The following PTPRG variants were observed in gnomAD, a reference collection of about 807,000 sequenced individuals.
PTPRG encodes protein tyrosine phosphatase receptor type G.
A neutral mutation model predicts 165.3 loss-of-function variants in PTPRG; 102 were observed. The ratio of observed to expected loss-of-function variants is 0.62; its 90% CI spans 0.53 to 0.73. The LOEUF (loss-of-function observed/expected upper bound fraction) is 0.73. PTPRG is among the 30% of genes least tolerant of loss of function. The probability of loss-of-function intolerance (pLI) is 0.00; values close to 1 mark genes in which losing one functional copy is unlikely to be tolerated. For missense variants in PTPRG, 1,866 were observed against 1,861.4 expected (o/e 1.00, Z -0.05); for synonymous variants, 675 against 669.5 (o/e 1.01, Z -0.13).
intron 8 of PTPRG, among the ~76,000 whole-genome samples, chr3:62,173,191 T>C (rs1199462787): frequency 1.3e-5 from 2 of 152,240 alleles, no homozygotes; most frequent in Admixed American, 1.3e-4. Context: ...TAAATAGTTG[T>C]TATACTCTAC....
At chr3:62,198,339 C>A (rs1030895848) in intron 10 of PTPRG, among the ~76,000 whole-genome samples, 1 of 152,154 alleles carries the variant, frequency 6.6e-6, no homozygotes, top group African/African-American at 2.4e-5. Context: ...TGCTACTAAG[C>A]TGAGTTGGGT....
At chr3:61,791,253 C>T (rs1012496300) in intron 2 of PTPRG, among the ~76,000 whole-genome samples, 2 of 152,150 alleles carry the variant, frequency 1.3e-5, no homozygotes, top group Non-Finnish European at 2.9e-5. Context: ...CAGCATTTAT[C>T]TCAGGTATTT....
intron 1 of PTPRG, among the ~76,000 whole-genome samples, chr3:61,745,624 G>A (rs1034014107): frequency 2.6e-5 from 4 of 152,164 alleles, no homozygotes; most frequent in African/African-American, 7.2e-5. Flanking sequence ...ACCTCTTGTC[G>A]TATGTAGCAG....
At chr3:62,127,768 A>G (rs1478823410) in intron 5 of PTPRG, among the ~76,000 whole-genome samples, 1 of 152,218 alleles carries the variant, frequency 6.6e-6, no homozygotes, top group Non-Finnish European at 1.5e-5. Context: ...CAGTAGAAGT[A>G]AATGGCAGCA....
intron 1 of PTPRG, among the ~76,000 whole-genome samples, chr3:61,563,816 C>CT (rs11426122): frequency 0.69 from 104,478 of 151,568 alleles, 36,615 homozygotes; most frequent in East Asian, 0.87. Flanking sequence ...TTGGGGATCC[C>CT]CTCGGGGGAC....
rs146678679 is a variant in PTPRG, at chr3:61,590,613, G to T, written c.85+28241G>T. Among the ~76,000 whole-genome samples the T allele has an allele frequency of 2.8e-4, 42 of 152,192 alleles. No homozygotes were observed. In the East Asian group the frequency reaches 6.4e-3, roughly 23 times the overall value. On this transcript the variant is annotated intron_variant, in intron 1 of 29. Coordinates refer to ENST00000474889, the MANE Select transcript of PTPRG (RefSeq NM_002841.4). ...CTGTTGACTACTTCCCTCTTGTCCT[G>T]CTGCCCTAGAGTATGAAGAGATTTG... is the stretch of plus-strand genomic sequence containing the variant.
Position 62,281,551 on chromosome 3 carries a change from T to TTTTTTTTTTTTTTTTTTTTTTTAAAAAA in PTPRG, c.3766-12_3766-11insTTTTTTTTTTTTTTTTTTTTTTAAAAAA. On this transcript the variant is annotated splice_polypyrimidine_tract_variant and intron_variant, in intron 26 of 29. Coordinates refer to ENST00000474889, the MANE Select transcript of PTPRG (RefSeq NM_002841.4). ...GAACTGCAGAGGCTTTTTTTTTTTT[T>TTTTTTTTTTTTTTTTTTTTTTTAAAAAA]GGATTCCAAAGGCAGAAGATGAGTT... 1 of 1,466,126 alleles carries TTTTTTTTTTTTTTTTTTTTTTTAAAAAA rather than the reference T, an allele frequency of 6.8e-7. No individual in the cohort carries two copies. The highest frequency in any genetic ancestry group is 9.1e-7 in the Non-Finnish European group (1 of 1,094,842). 90.8% of individuals were successfully genotyped at this position (1,466,126 alleles called of 1,614,324 possible).
intron 2 of PTPRG, among the ~76,000 whole-genome samples, chr3:61,985,735 G>A (rs2040743096): frequency 6.6e-6 from 1 of 152,104 alleles, no homozygotes; most frequent in African/African-American, 2.4e-5. Context: ...GACCTTCTTT[G>A]ATTACAGAGG....
At chr3:61,784,390 A>G (rs1247408789) in intron 2 of PTPRG, among the ~76,000 whole-genome samples, 1 of 152,180 alleles carries the variant, frequency 6.6e-6, no homozygotes, top group African/African-American at 2.4e-5. Context: ...ACACCATAAT[A>G]TGTAAATATT....
chr3:61,949,072 G>T (rs2039834223), intron 2 of PTPRG, among the ~76,000 whole-genome samples: 1 of 149,116 alleles, frequency 6.7e-6, no homozygotes, highest in African/African-American at 2.5e-5. Context: ...TGGGACCTTA[G>T]CATGTGATGG....
intron 1 of PTPRG, among the ~76,000 whole-genome samples, chr3:61,614,253 A>G (rs555668529): frequency 1.3e-5 from 2 of 152,204 alleles, no homozygotes; most frequent in South Asian, 4.2e-4. Flanking sequence ...GGTTGCCACA[A>G]TGGCAGAGTA....
At chr3:62,049,019 A>C (rs572698819) in intron 4 of PTPRG, among the ~76,000 whole-genome samples, 140 of 152,342 alleles carry the variant, frequency 9.2e-4, no homozygotes, top group Middle Eastern at 3.4e-3. Context: ...TGGAGTCAGG[A>C]AATATAAAAT....
chr3:61,751,369 A>C (rs913403172), intron 2 of PTPRG, among the ~76,000 whole-genome samples: 2 of 152,184 alleles, frequency 1.3e-5, no homozygotes, highest in Non-Finnish European at 2.9e-5. Flanking sequence ...TGACAAAAAA[A>C]GGCTCATTTT....
At chr3:61,867,916 C>T (rs1295631319) in intron 2 of PTPRG, among the ~76,000 whole-genome samples, 1 of 152,160 alleles carries the variant, frequency 6.6e-6, no homozygotes, top group Non-Finnish European at 1.5e-5. Context: ...GTCTTTCTTC[C>T]ACAGGGAGTC....
At chr3:61,993,935 G>C (rs761737849) in intron 3 of PTPRG, among the ~76,000 whole-genome samples, 33 of 152,194 alleles carry the variant, frequency 2.2e-4, no homozygotes, top group Non-Finnish European at 4.1e-4. Flanking sequence ...GTTCAGATCT[G>C]TCTTAATCCC....
At chr3:62,092,615 A>G (rs1254180998) in intron 5 of PTPRG, among the ~76,000 whole-genome samples, 1 of 152,000 alleles carries the variant, frequency 6.6e-6, no homozygotes, top group East Asian at 1.9e-4. Flanking sequence ...GCCCATTAGT[A>G]GGAGTAAAAT....
intron 1 of PTPRG, among the ~76,000 whole-genome samples, chr3:61,575,757 G>A (rs1439029123): frequency 2.0e-5 from 3 of 151,814 alleles, no homozygotes; most frequent in Non-Finnish European, 2.9e-5. Context: ...ATGCCACCAC[G>A]CCCGGCTAAT....
rs115034980 is a variant in PTPRG at position 61,827,404 on chromosome 3, C to G, written c.190+78422C>G. On this transcript the variant is annotated intron_variant, in intron 2 of 29. Transcript: ENST00000474889. The stretch of plus-strand genomic sequence containing the variant: ...AACCTTTGTATACCTTGTTCCTAAT[C>G]ACACCCCATCATACTATAGGAAAGG... Among the ~76,000 whole-genome samples, 938 of 152,294 alleles carry G rather than the reference C, an allele frequency of 6.2e-3. 11 individuals are homozygous for G. The highest frequency in any genetic ancestry group is 0.021 in the African/African-American group (877 of 41,574).
chr3:62,136,470 A>C (rs1432588811), intron 6 of PTPRG, among the ~76,000 whole-genome samples: 2 of 152,168 alleles, frequency 1.3e-5, no homozygotes, highest in East Asian at 3.9e-4. Context: ...GAGAATGGTG[A>C]GAATGTGGAG....
Sources: allele counts gnomAD v4.1 joint callset (sites outside exome capture counted in the v4.1 genomes callset), GRCh38; gene constraint gnomAD v4.1.1; transcripts MANE v1.5; gene names NCBI Gene and HGNC (gene_info 2026-07-23, HGNC 2026-07-21).